The following KDM4C variants were observed in gnomAD, a reference collection of about 807,000 sequenced individuals.
KDM4C encodes lysine demethylase 4C.
KDM4C carries 81 observed loss-of-function variants against 129.3 expected under a neutral mutation model. The observed-to-expected ratio is 0.63, with a 90% CI of 0.52 to 0.75. The LOEUF is 0.75. KDM4C is among the 30% of genes least tolerant of loss of function. The probability of loss-of-function intolerance (pLI) is 0.00; values close to 1 mark genes in which losing one functional copy is unlikely to be tolerated. For missense variants in KDM4C, 1,457 were observed against 1,304.0 expected (o/e 1.12, Z -1.81); for synonymous variants, 573 against 456.1 (o/e 1.26, Z -3.26).
chr9:6,956,705 A>T (rs1159879509), intron 8 of KDM4C, among the ~76,000 whole-genome samples: 1 of 152,178 alleles, frequency 6.6e-6, no homozygotes, highest in Admixed American at 6.5e-5. Context: ...AGATATCACC[A>T]ATCCCTTCTT....
At chr9:7,041,300 A>C (rs1205301393) in intron 15 of KDM4C, among the ~76,000 whole-genome samples, 1 of 152,072 alleles carries the variant, frequency 6.6e-6, no homozygotes, top group East Asian at 1.9e-4. Context: ...TAAAGTATAC[A>C]GGAGGATATG....
At position 6,819,987 on chromosome 9, in the gene KDM4C, C is replaced by G. The variant is rs151101690; in HGVS notation, c.435+5242C>G. On this transcript the variant is annotated intron_variant, in intron 4 of 21. Transcript: ENST00000381309. Reference sequence around the variant, plus strand: ...TCTAGTGGTAGCTATTTACCTTAATCTTAAAAGAATGGTAAGAAAATCGTA... The same window carrying G: ...TCTAGTGGTAGCTATTTACCTTAATGTTAAAAGAATGGTAAGAAAATCGTA... Among the ~76,000 whole-genome samples the G allele has an allele frequency of 3.9e-3, 596 of 151,764 alleles. 9 individuals carry two copies. Among genetic ancestry groups the G allele is most frequent in the African/African-American group, 0.014 (572 of 41,312 alleles).
At chr9:6,977,536 A>G (rs945816559) in intron 8 of KDM4C, among the ~76,000 whole-genome samples, 1 of 152,182 alleles carries the variant, frequency 6.6e-6, no homozygotes, top group East Asian at 1.9e-4. Context: ...TTTTAAATAC[A>G]GTGGAGAATG....
chr9:6,909,691 A>C (rs1383307758), intron 8 of KDM4C, among the ~76,000 whole-genome samples: 1 of 152,252 alleles, frequency 6.6e-6, no homozygotes, highest in East Asian at 1.9e-4. Context: ...GAAACAAGTA[A>C]ATATATACAC....
At chr9:6,969,506 C>G (rs11789365) in intron 8 of KDM4C, among the ~76,000 whole-genome samples, 6,048 of 152,208 alleles carry the variant, frequency 0.04, 396 homozygotes, top group African/African-American at 0.14. Flanking sequence ...TAAACAGTCT[C>G]TTTTGGCAGA....
chr9:7,016,173 G>T (rs1319808047), intron 15 of KDM4C, among the ~76,000 whole-genome samples: 1 of 151,046 alleles, frequency 6.6e-6, no homozygotes, highest in African/African-American at 2.4e-5. Context: ...TGTCGCCCAG[G>T]CTAGAGTGCA....
intron 1 of KDM4C, among the ~76,000 whole-genome samples, chr9:6,764,518 G>A (rs1309098550): frequency 2.6e-5 from 4 of 152,196 alleles, no homozygotes; most frequent in Non-Finnish European, 4.4e-5. Context: ...CATACACTGT[G>A]TCAGATGTGG....
At chr9:7,085,003 C>T (rs966645397) in intron 17 of KDM4C, among the ~76,000 whole-genome samples, 2 of 152,192 alleles carry the variant, frequency 1.3e-5, no homozygotes, top group East Asian at 1.9e-4. Context: ...GAAGGAATGA[C>T]ATTTAAGAAC....
At chr9:6,989,852 G>T (rs377442883) in intron 11 of KDM4C, among the ~76,000 whole-genome samples, 2 of 152,078 alleles carry the variant, frequency 1.3e-5, no homozygotes, top group South Asian at 2.1e-4. Context: ...TTGGCTCATT[G>T]CAGCCTCCAC....
intron 8 of KDM4C, among the ~76,000 whole-genome samples, chr9:6,899,726 A>G (rs1435964916): frequency 2.6e-5 from 4 of 152,224 alleles, no homozygotes; most frequent in African/African-American, 7.2e-5. Context: ...TGAAACTTCA[A>G]GAAGTCTGAG....
intron 5 of KDM4C, among the ~76,000 whole-genome samples, chr9:6,855,458 C>CAAAAA (rs34177301): frequency 1.9e-4 from 13 of 70,078 alleles, no homozygotes; most frequent in Non-Finnish European, 3.0e-4. Context: ...GACTCCGTCT[C>CAAAAA]AAAAAAAAAA....
At chr9:7,129,966 C>A (rs1016952893) in intron 19 of KDM4C, among the ~76,000 whole-genome samples, 3 of 152,186 alleles carry the variant, frequency 2.0e-5, no homozygotes, top group Admixed American at 1.3e-4. Flanking sequence ...TACATGTAAT[C>A]CGTCTCTAGA....
intron 5 of KDM4C, among the ~76,000 whole-genome samples, chr9:6,875,036 G>A (rs959075717): frequency 6.6e-6 from 1 of 152,120 alleles, no homozygotes; most frequent in African/African-American, 2.4e-5. Flanking sequence ...CTGGTCCTGA[G>A]CACACCAGAC....
intron 8 of KDM4C, among the ~76,000 whole-genome samples, chr9:6,917,749 G>A (rs918324739): frequency 6.6e-6 from 1 of 152,086 alleles, no homozygotes; most frequent in African/African-American, 2.4e-5. Flanking sequence ...GAGAACTTCT[G>A]CAGACTGCAC....
Position 6,924,828 on chromosome 9 carries a change from A to C in KDM4C, c.921+31596A>C, listed in dbSNP as rs879413616. 268 of 980,998 alleles carry C rather than the reference A, an allele frequency of 2.7e-4. 1 individual carries two copies. Among genetic ancestry groups the C allele is most frequent in the Non-Finnish European group, 2.9e-4 (240 of 826,060 alleles). The allele number at this position is 980,998 out of a possible 1,614,324, so 60.8% of individuals were successfully genotyped here. A position where few individuals can be genotyped will look rare whatever the true frequency, so the allele number is the denominator to read the frequency against. On this transcript the variant is annotated intron_variant, in intron 8 of 21. Transcript: ENST00000381309. The stretch of plus-strand genomic sequence containing the variant: ...GGTTTCTGCATTCCACTTTGCTATT[A>C]ACATGAAAATAAGACAGGCTGTCCA...
At chr9:7,058,555 G>A (rs1050279301) in intron 17 of KDM4C, among the ~76,000 whole-genome samples, 3 of 152,066 alleles carry the variant, frequency 2.0e-5, no homozygotes, top group African/African-American at 7.2e-5. Flanking sequence ...GTTGAAAATG[G>A]CTGGCACTTA....
chr9:6,770,849 C>A (rs1350488281), intron 1 of KDM4C, among the ~76,000 whole-genome samples: 2 of 145,878 alleles, frequency 1.4e-5, no homozygotes, highest in African/African-American at 5.1e-5. Context: ...AATCTTGGCT[C>A]ACTGCAACCT....
intron 4 of KDM4C, among the ~76,000 whole-genome samples, chr9:6,838,835 A>G (rs960374552): frequency 1.3e-5 from 2 of 152,204 alleles, no homozygotes; most frequent in Non-Finnish European, 2.9e-5. Flanking sequence ...CTGCATACGG[A>G]TCTATTCTCA....
intron 1 of KDM4C, among the ~76,000 whole-genome samples, chr9:6,781,663 C>T (rs570047052): frequency 3.3e-5 from 5 of 152,206 alleles, no homozygotes; most frequent in African/African-American, 1.2e-4. Context: ...ATAGAATGGA[C>T]ACTTGTTTGC....
Sources: gnomAD v4.1 joint callset for allele counts (sites outside exome capture counted in the v4.1 genomes callset) on GRCh38, gnomAD v4.1.1 for gene constraint, MANE v1.5 for transcripts, NCBI Gene and HGNC (gene_info 2026-07-23, HGNC 2026-07-21) for gene names.